The following CBR4 variants were observed in gnomAD, a reference collection of about 807,000 sequenced individuals.
CBR4 encodes the protein carbonyl reductase 4.
A neutral mutation model predicts 21.0 loss-of-function variants in CBR4; 22 were observed. That is an observed-to-expected ratio of 1.05 (90% confidence interval 0.75 to 1.50). CBR4 has a LOEUF of 1.50. Ranked by LOEUF, CBR4 falls within the 40% of genes most tolerant of loss-of-function variation. CBR4 has a pLI of 0.00. For synonymous variants in CBR4, 100 were observed against 104.4 expected, an observed-to-expected ratio of 0.96 and a Z score of 0.26; for missense variants, 302 against 286.3, an observed-to-expected ratio of 1.05 and a Z score of -0.40.
rs1053793876 is a variant in CBR4, at chr4:168,953,622, G to A, written n.169+48449C>T. The stretch of plus-strand genomic sequence containing the variant: ...TTTTTTTTTATAGAGACAGGATCTC[G>A]TGTGTTGCCCAGGTTGGTCTCGAAC... On this transcript the variant is annotated intron_variant and non_coding_transcript_variant, in intron 2 of 3. Coordinates refer to the CBR4 transcript ENST00000509108. Among the ~76,000 whole-genome samples the A allele has an allele frequency of 2.8e-4, 42 of 150,708 alleles. 1 individual carries two copies. The highest frequency in any genetic ancestry group is 8.3e-4 in the African/African-American group (34 of 40,862).
chr4:168,958,864 A>G (rs1369023872), intron 2 of CBR4, among the ~76,000 whole-genome samples: 1 of 152,142 alleles, frequency 6.6e-6, no homozygotes, highest in East Asian at 1.9e-4. Context: ...GTCTATTCAA[A>G]TCATTTGGCC....
intron 3 of CBR4, among the ~76,000 whole-genome samples, chr4:169,004,536 A>G (rs1296295784): frequency 6.6e-6 from 1 of 152,162 alleles, no homozygotes; most frequent in Non-Finnish European, 1.5e-5. Flanking sequence ...TTGTCATTTC[A>G]ACAGTATTCA....
chr4:168,913,883 A>G (rs1398650674), intron 2 of CBR4: 5 of 1,255,596 alleles, frequency 4.0e-6, no homozygotes, highest in Non-Finnish European at 5.9e-6. Flanking sequence ...TTAGTGGTTA[A>G]TAGTTTTAAA....
chr4:168,954,860 A>G (rs189829546), intron 2 of CBR4, among the ~76,000 whole-genome samples: 34 of 152,334 alleles, frequency 2.2e-4, no homozygotes, highest in Admixed American at 9.2e-4. Flanking sequence ...GGAACAGATC[A>G]GAAGACTCCA....
At chr4:168,895,966 T>C (rs12510446) in intron 2 of CBR4, among the ~76,000 whole-genome samples, 1 of 152,214 alleles carries the variant, frequency 6.6e-6, no homozygotes, top group African/African-American at 2.4e-5. Flanking sequence ...CCCAGCACTT[T>C]GGGAGGCCAA....
chr4:168,895,133 T>G (rs1754831551), intron 2 of CBR4, among the ~76,000 whole-genome samples: 1 of 152,188 alleles, frequency 6.6e-6, no homozygotes, highest in African/African-American at 2.4e-5. Context: ...CCTGTAATTG[T>G]AGCACTTTGG....
At chr4:168,975,841 T>C (rs1415119561) in intron 2 of CBR4, among the ~76,000 whole-genome samples, 1 of 152,118 alleles carries the variant, frequency 6.6e-6, no homozygotes, top group Non-Finnish European at 1.5e-5. Flanking sequence ...CTGCCTCTGC[T>C]GCATCATACA....
intron 2 of CBR4, chr4:168,926,482 G>A: frequency 1.3e-6 from 1 of 775,014 alleles, no homozygotes; most frequent in East Asian, 2.9e-5. Flanking sequence ...ACATACCTTT[G>A]ACTATAAGAA....
intron 4 of CBR4, among the ~76,000 whole-genome samples, chr4:168,999,866 T>C (rs1409812396): frequency 6.6e-6 from 1 of 152,200 alleles, no homozygotes; most frequent in Non-Finnish European, 1.5e-5. Context: ...ATATTCGTCA[T>C]ATGACACTGC....
intron 2 of CBR4, among the ~76,000 whole-genome samples, chr4:168,980,073 C>T (rs1232828499): frequency 6.6e-6 from 1 of 151,996 alleles, no homozygotes; most frequent in Admixed American, 6.5e-5. Context: ...GGGGTGCAAC[C>T]AAAAGAGACA....
In CBR4 at chr4:168,988,355, A is replaced by G; in HGVS notation, c.*1795T>C. 7.1e-6 allele frequency: 7 copies of G among 985,404 alleles called. No homozygotes were observed. The highest frequency in any genetic ancestry group is 8.4e-6 in the Non-Finnish European group (7 of 829,898). The allele number at this position is 985,404 out of a possible 1,614,324, so 61.0% of individuals were successfully genotyped here. On this transcript the variant is annotated 3_prime_UTR_variant, in exon 5 of 5. Coordinates refer to ENST00000306193, the MANE Select transcript of CBR4 (RefSeq NM_032783.5). ...ACACTTAAAGGCTAAACCTATCTATAACCTACATCTTAATGTCAGCAAAAC... is the reference window on the plus strand; with the variant it reads ...ACACTTAAAGGCTAAACCTATCTATGACCTACATCTTAATGTCAGCAAAAC...
chr4:168,950,661 A>G (rs2126701132), intron 2 of CBR4, among the ~76,000 whole-genome samples: 1 of 152,272 alleles, frequency 6.6e-6, no homozygotes, highest in Admixed American at 6.5e-5. Context: ...TTTCTTGATG[A>G]CCTGTCTAGT....
chr4:168,943,421 G>C (rs1008968333), intron 2 of CBR4, among the ~76,000 whole-genome samples: 1 of 152,166 alleles, frequency 6.6e-6, no homozygotes, highest in Non-Finnish European at 1.5e-5. Flanking sequence ...AAGCACCCAG[G>C]AGCAAAGCCA....
rs1276023130 is a variant in CBR4, at chr4:168,913,976, G to C, written n.170-19211C>G. ...CTAATGGTACAGGCTGTCAACCAAAGAGGTCGAAGTCCCCGGTCTCCCTCA... is the reference window on the plus strand; with the variant it reads ...CTAATGGTACAGGCTGTCAACCAAACAGGTCGAAGTCCCCGGTCTCCCTCA... On this transcript the variant is annotated intron_variant and non_coding_transcript_variant, in intron 2 of 3. Coordinates refer to the CBR4 transcript ENST00000509108. 6.2e-7 allele frequency: 1 copy of C among 1,613,492 alleles called. No homozygotes were observed. The highest frequency in any genetic ancestry group is 2.2e-5 in the East Asian group (1 of 44,864).
chr4:168,922,138 C>T (rs1761705943), intron 2 of CBR4, among the ~76,000 whole-genome samples: 1 of 123,228 alleles, frequency 8.1e-6, no homozygotes, highest in Admixed American at 8.6e-5. Context: ...CACACACACA[C>T]ACACACCTGG....
At chr4:168,995,326 G>A (rs1002224253) in intron 4 of CBR4, among the ~76,000 whole-genome samples, 1 of 152,050 alleles carries the variant, frequency 6.6e-6, no homozygotes, top group African/African-American at 2.4e-5. Flanking sequence ...TTGTCCTTTC[G>A]GAGACAAAAA....
intron 2 of CBR4, among the ~76,000 whole-genome samples, chr4:168,939,082 CA>C (rs1353616679): frequency 1.3e-5 from 2 of 152,182 alleles, no homozygotes; most frequent in Admixed American, 1.3e-4. Context: ...AGCAGCACAT[CA>C]AAAAGCTTAT....
At chr4:168,908,599 C>T (rs563924018) in intron 2 of CBR4, among the ~76,000 whole-genome samples, 3 of 152,144 alleles carry the variant, frequency 2.0e-5, no homozygotes, top group South Asian at 4.1e-4. Context: ...TTCCTTAATG[C>T]CCTTTAGTTA....
intron 2 of CBR4, among the ~76,000 whole-genome samples, chr4:168,941,626 C>A (rs1370827127): frequency 1.3e-5 from 2 of 152,104 alleles, no homozygotes; most frequent in Non-Finnish European, 2.9e-5. Flanking sequence ...GTTCTAGATC[C>A]TTAAGGAATC....
Sources: gnomAD v4.1 joint callset for allele counts (sites outside exome capture counted in the v4.1 genomes callset) on GRCh38, gnomAD v4.1.1 for gene constraint, MANE v1.5 for transcripts, NCBI Gene and HGNC (gene_info 2026-07-23, HGNC 2026-07-21) for gene names.